Variants in TMC5 observed in about 807,000 individuals in gnomAD.
TMC5 encodes the protein transmembrane channel like 5, also known as transmembrane channel-like protein 5.
TMC5 carries 86 observed loss-of-function variants against 110.5 expected under a neutral mutation model. The observed-to-expected ratio is 0.78, with a 90% CI of 0.65 to 0.93. The LOEUF (loss-of-function observed/expected upper bound fraction) is 0.93. Among genes scored for constraint, TMC5 ranks in the 40% least tolerant of loss-of-function variants. The pLI is 0.00. For missense variants in TMC5, 1,144 were observed against 1,222.8 expected (o/e 0.94, Z 0.96); for synonymous variants, 455 against 439.5 (o/e 1.04, Z -0.44).
chr16:19,449,562 G>A lies in TMC5; in HGVS notation c.979G>A (p.Glu327Lys). ...SGYVNPAYVG[E>K]SGPVHAYGNP... is the part of the protein sequence containing the mutation. ...TCCAGTGAACCCTGCTTATGTAGGT[G>A]AAAGTGGTCCTGTCCATGCTTATGG... The change falls in exon 5 of 22, where the codon GAA becomes AAA. Residue 327 changes from glutamate to lysine, a missense_variant. Glu to Lys is a moderately conservative substitution (Grantham distance 56, BLOSUM62 1). Coordinates refer to ENST00000542583, the MANE Select transcript of TMC5 (RefSeq NM_001261841.2). 1.9e-6 allele frequency: 3 copies of A among 1,614,122 alleles called. No homozygotes were observed. Among genetic ancestry groups the A allele is most frequent in the Non-Finnish European group, 2.5e-6 (3 of 1,180,014 alleles).
chr16:19,472,286 G>C, intron 11 of TMC5, 43 bp downstream of exon 11: 1 of 1,605,168 alleles, frequency 6.2e-7, no homozygotes, highest in Non-Finnish European at 8.5e-7. Flanking sequence ...CCAGGTGAAG[G>C]GATGAGATGC....
intron 5 of TMC5, among the ~76,000 whole-genome samples, chr16:19,454,763 A>G (rs191294958): frequency 7.2e-5 from 11 of 152,322 alleles, no homozygotes; most frequent in Admixed American, 3.9e-4. Context: ...AATTAGATCT[A>G]TTGGATAGGA....
At chr16:19,424,017 G>A (rs1967039523) in intron 1 of TMC5, among the ~76,000 whole-genome samples, 1 of 152,116 alleles carries the variant, frequency 6.6e-6, no homozygotes, top group African/African-American at 2.4e-5. Context: ...GCCTCCCAAA[G>A]TGCTGGGATT....
chr16:19,446,138 G>A (rs1967610803), intron 4 of TMC5, among the ~76,000 whole-genome samples: 6 of 151,198 alleles, frequency 4.0e-5, no homozygotes, highest in Admixed American at 4.0e-4. Context: ...AAGGGAGGAA[G>A]GAAGGAAAAA....
intron 4 of TMC5, among the ~76,000 whole-genome samples, chr16:19,447,904 C>A (rs993164986): frequency 1.8e-4 from 23 of 127,906 alleles, no homozygotes; most frequent in African/African-American, 6.4e-4. Flanking sequence ...GATGCTAAGA[C>A]ACACACCCAG....
intron 8 of TMC5, among the ~76,000 whole-genome samples, chr16:19,465,001 GTCTTTCTT>G (rs71375641): frequency 0.015 from 1,125 of 73,598 alleles, 36 homozygotes; most frequent in African/African-American, 0.029. Flanking sequence ...CTTTCCTTTT[GTCTTTCTT>G]TCTTTCTTTC....
intron 6 of TMC5, among the ~76,000 whole-genome samples, chr16:19,460,735 G>A (rs1007875350): frequency 2.6e-4 from 40 of 152,268 alleles, no homozygotes; most frequent in African/African-American, 8.9e-4. Context: ...TCTAAACAGC[G>A]AAAAACATTA....
chr16:19,476,008 A>G (rs999902706), intron 12 of TMC5, among the ~76,000 whole-genome samples: 2 of 152,072 alleles, frequency 1.3e-5, no homozygotes, highest in African/African-American at 2.4e-5. Flanking sequence ...TGATTGGTGA[A>G]TGAATAAGCA....
In TMC5 at chr16:19,479,449, G is replaced by A. The variant is rs1567322004; in HGVS notation, c.2188G>A (p.Gly730Ser). 1 of 1,613,808 alleles carries A rather than the reference G, an allele frequency of 6.2e-7. No homozygotes were observed. The highest frequency in any genetic ancestry group is 8.5e-7 in the Non-Finnish European group (1 of 1,179,896). The change falls in exon 14 of 22, where the codon GGC becomes AGC. Residue 730 changes from glycine to serine, a missense_variant. Coordinates refer to ENST00000542583, the MANE Select transcript of TMC5 (RefSeq NM_001261841.2). ...CTTCCAGTGTTGGGAAACCCTCATT[G>A]GCCAGGACATCTACCGGCTCCTTCT... ...SGEECWETLI[G>S]QDIYRLLLMD...
At chr16:19,448,368 C>A (rs7184765) in intron 4 of TMC5, among the ~76,000 whole-genome samples, 127,452 of 151,600 alleles carry the variant, frequency 0.84, 53,793 homozygotes, top group South Asian at 0.91. Flanking sequence ...TAATCCCAAC[C>A]CTTTGAGAGG....
chr16:19,430,244 C>T (rs1967168875), intron 1 of TMC5, among the ~76,000 whole-genome samples, 169 bp from the exon 2 acceptor site: 1 of 152,170 alleles, frequency 6.6e-6, no homozygotes, highest in South Asian at 2.1e-4. Context: ...AATATTTGAC[C>T]TTTTCTTCTC....
Position 19,499,074 on chromosome 16 carries a change from T to C in TMC5, c.*1108T>C, listed in dbSNP as rs1273034073. ...ACTCTGCCTCAAAAAAATAAATAAA[T>C]AAATAAATAAAGTAAATTAAAAGTC... is the stretch of plus-strand genomic sequence containing the variant. On this transcript the variant is annotated 3_prime_UTR_variant, in exon 22 of 22. Transcript: ENST00000542583. 2 of 151,924 alleles carry C rather than the reference T, an allele frequency of 1.3e-5. No homozygotes were observed. Among genetic ancestry groups the C allele is most frequent in the Non-Finnish European group, 2.9e-5 (2 of 67,978 alleles). 9.4% of individuals were successfully genotyped at this position (151,924 alleles called of 1,614,324 possible). A position where few individuals can be genotyped will look rare whatever the true frequency, so the allele number is the denominator to read the frequency against.
At chr16:19,460,891 C>G (rs932472898) in intron 6 of TMC5, among the ~76,000 whole-genome samples, 2 of 151,994 alleles carry the variant, frequency 1.3e-5, no homozygotes, top group Non-Finnish European at 2.9e-5. Context: ...TGTGGTGGCT[C>G]ACGCCTGTAA....
chr16:19,428,353 G>A (rs946247451), intron 1 of TMC5, among the ~76,000 whole-genome samples: 1 of 144,790 alleles, frequency 6.9e-6, no homozygotes, highest in African/African-American at 2.6e-5. Context: ...CTGTTGCCCA[G>A]GCTGGAGTAC....
intron 2 of TMC5, among the ~76,000 whole-genome samples, chr16:19,432,531 T>G (rs1252536515): frequency 6.6e-6 from 1 of 152,240 alleles, no homozygotes. Flanking sequence ...AACAGGAAGC[T>G]AAGGGTAAGG....
At chr16:19,469,475 A>G (rs926333656) in intron 9 of TMC5, among the ~76,000 whole-genome samples, 1 of 152,240 alleles carries the variant, frequency 6.6e-6, no homozygotes, top group Admixed American at 6.5e-5. Context: ...TGGCAGATCC[A>G]GGGTTGCAAG....
At chr16:19,492,943 A>ATATATATATATATATGTATATATAT (rs61334845) in intron 19 of TMC5, among the ~76,000 whole-genome samples, 1 of 92,078 alleles carries the variant, frequency 1.1e-5, no homozygotes, top group Non-Finnish European at 2.4e-5. Flanking sequence ...TCTCTCTATA[A>ATATATATATATATATGTATATATAT]GATAAATACT....
chr16:19,472,180 C>G lies in TMC5; in HGVS notation c.1875C>G (p.Val625=), dbSNP rs1297334364. The G allele has an allele frequency of 3.1e-6, 5 of 1,614,076 alleles. No homozygotes were observed. The highest frequency in any genetic ancestry group is 4.2e-6 in the Non-Finnish European group (5 of 1,180,052). ...RFSAYMVAWV[V]STGVAIACCA... is the part of the protein sequence containing the mutation. ...CTGCCTACATGGTAGCCTGGGTTGT[C>G]TCTACAGGAGTGGCCATAGCCTGCT... is the stretch of plus-strand genomic sequence containing the variant. Residue 625 remains valine, a synonymous_variant, in exon 11 of 22, where the codon GTC becomes GTG. Transcript: ENST00000542583.
In TMC5 at chr16:19,423,684, G is replaced by A. The variant is rs116404573; in HGVS notation, c.-308+5592G>A. 4.8e-3 allele frequency among the ~76,000 whole-genome samples: 729 copies of A among 152,208 alleles called. 6 individuals carry two copies. Among genetic ancestry groups the A allele is most frequent in the African/African-American group, 0.017 (695 of 41,516 alleles). ...AACACTTCTGTGATCAGATATTGGCGGGGGTTGAGAGGTCCACACTGACCA... is the reference window on the plus strand; with the variant it reads ...AACACTTCTGTGATCAGATATTGGCAGGGGTTGAGAGGTCCACACTGACCA... On this transcript the variant is annotated intron_variant, in intron 1 of 21. Coordinates refer to ENST00000542583, the MANE Select transcript of TMC5 (RefSeq NM_001261841.2).
Sources: allele counts gnomAD v4.1 joint callset (sites outside exome capture counted in the v4.1 genomes callset), GRCh38; gene constraint gnomAD v4.1.1; transcripts MANE v1.5; gene names NCBI Gene and HGNC (gene_info 2026-07-23, HGNC 2026-07-21).